TTC33: variants seen among roughly 807,000 people sequenced by gnomAD.
TTC33 encodes tetratricopeptide repeat protein 33.
Under a neutral mutation model 29.4 loss-of-function variants are expected in TTC33, and 24 were observed. That is an observed-to-expected ratio of 0.82 (90% CI 0.59 to 1.15). The LOEUF (loss-of-function observed/expected upper bound fraction) is 1.15. Among genes scored for constraint, TTC33 ranks in the 50% most tolerant of loss-of-function variants. TTC33 has a pLI of 0.00. For synonymous variants in TTC33, 107 were observed against 100.3 expected (o/e 1.07, Z -0.40); for missense variants, 286 against 310.4 (o/e 0.92, Z 0.59).
At chr5:40,733,623 T>C (rs1312969276) in intron 2 of TTC33, among the ~76,000 whole-genome samples, 1 of 152,208 alleles carries the variant, frequency 6.6e-6, no homozygotes, top group Non-Finnish European at 1.5e-5. Flanking sequence ...GTCATCACTG[T>C]GACTTGGAGG....
At chr5:40,726,409 T>G (rs1031355663) in intron 4 of TTC33, among the ~76,000 whole-genome samples, 1 of 151,918 alleles carries the variant, frequency 6.6e-6, no homozygotes, top group Middle Eastern at 3.4e-3. Flanking sequence ...AAATTCTAGC[T>G]TGCTTTCAAT....
At chr5:40,752,342 T>C (rs530725414) in intron 1 of TTC33, among the ~76,000 whole-genome samples, 1 of 152,370 alleles carries the variant, frequency 6.6e-6, no homozygotes, top group Non-Finnish European at 1.5e-5. Context: ...TTGAAGAACT[T>C]TTCCTTTGCA....
At chr5:40,747,213 C>T (rs958730336) in intron 1 of TTC33, among the ~76,000 whole-genome samples, 194 bp from the exon 2 acceptor site, 2 of 151,862 alleles carry the variant, frequency 1.3e-5, no homozygotes, top group African/African-American at 4.8e-5. Context: ...ATGCACCACC[C>T]ACACCGGCTA....
rs143892043 is a variant in TTC33 at position 40,713,837 on chromosome 5, C to A, written c.*2308G>T. On this transcript the variant is annotated 3_prime_UTR_variant, in exon 5 of 5. Transcript: ENST00000337702. ...CATAAAGATTTGTTATTAAAATTAACAAGCTTAGTCTATGTTTGTATATCA... is the reference window on the plus strand; with the variant it reads ...CATAAAGATTTGTTATTAAAATTAAAAAGCTTAGTCTATGTTTGTATATCA... 3.2e-4 allele frequency among the ~76,000 whole-genome samples: 48 copies of A among 150,464 alleles called. No homozygotes were observed. Among genetic ancestry groups the A allele is most frequent in the Non-Finnish European group, 6.0e-4 (40 of 67,168 alleles).
At chr5:40,731,778 T>C (rs980340240) in intron 2 of TTC33, among the ~76,000 whole-genome samples, 1 of 152,172 alleles carries the variant, frequency 6.6e-6, no homozygotes, top group African/African-American at 2.4e-5. Flanking sequence ...CTCCTCTTCA[T>C]CTATTCAAAG....
rs1045073935 is a variant in TTC33, at chr5:40,714,583, T to C, written c.*1562A>G. 2.6e-5 allele frequency: 4 copies of C among 152,206 alleles called. No homozygotes were observed. Among genetic ancestry groups the C allele is most frequent in the Admixed American group, 2.6e-4 (4 of 15,272 alleles). 9.4% of individuals were successfully genotyped at this position (152,206 alleles called of 1,614,324 possible). A position where few individuals can be genotyped will look rare whatever the true frequency, so the allele number is the denominator to read the frequency against. The stretch of plus-strand genomic sequence containing the variant: ...ACTTCTCTAGATACCTATTTACGTT[T>C]TGAGAATGTTCTTTATTAAACAAAA... On this transcript the variant is annotated 3_prime_UTR_variant, in exon 5 of 5. Transcript: ENST00000337702.
intron 4 of TTC33, among the ~76,000 whole-genome samples, chr5:40,720,130 T>C (rs1389658041): frequency 1.3e-5 from 2 of 152,242 alleles, no homozygotes; most frequent in Non-Finnish European, 2.9e-5. Context: ...GAGTCCAAGG[T>C]TACAAAGATT....
chr5:40,728,606 C>T, intron 3 of TTC33, 130 bp from the exon 4 acceptor site: 1 of 773,076 alleles, frequency 1.3e-6, no homozygotes, highest in Non-Finnish European at 1.9e-6. Context: ...ATTTTTACCC[C>T]TTACTCTGCC....
intron 1 of TTC33, among the ~76,000 whole-genome samples, chr5:40,750,659 A>G (rs1159196389): frequency 1.3e-5 from 2 of 152,136 alleles, no homozygotes; most frequent in Non-Finnish European, 2.9e-5. Context: ...ATTTGGTAGC[A>G]TTTTACCCAC....
intron 1 of TTC33, among the ~76,000 whole-genome samples, chr5:40,754,131 T>C (rs1016473300): frequency 5.3e-5 from 8 of 152,014 alleles, no homozygotes; most frequent in Non-Finnish European, 8.8e-5. Flanking sequence ...CTCTCAACCA[T>C]ATGTGAAAAA....
At chr5:40,749,875 G>A (rs1262137327) in intron 1 of TTC33, among the ~76,000 whole-genome samples, 1 of 151,708 alleles carries the variant, frequency 6.6e-6, no homozygotes, top group Non-Finnish European at 1.5e-5. Flanking sequence ...AGATCACGAG[G>A]TCAGGAGTTT....
At position 40,730,465 on chromosome 5, in the gene TTC33, C is replaced by T. The variant is rs530484186; in HGVS notation, c.222-122G>A. Reference sequence around the variant, plus strand: ...ATCTTAACCATTTAAGTGTACAGTTCAGAGGCATTAAGTAGCATTAAGTAC... The same window carrying T: ...ATCTTAACCATTTAAGTGTACAGTTTAGAGGCATTAAGTAGCATTAAGTAC... On this transcript the variant is annotated intron_variant, in intron 2 of 4. Coordinates refer to ENST00000337702, the MANE Select transcript of TTC33 (RefSeq NM_012382.3). 16 of 689,558 alleles carry T rather than the reference C, an allele frequency of 2.3e-5. No homozygotes were observed. The African/African-American group carries it at 2.5e-4, about 11-fold the overall frequency. 42.7% of individuals were successfully genotyped at this position (689,558 alleles called of 1,614,324 possible). A position where few individuals can be genotyped will look rare whatever the true frequency, so the allele number is the denominator to read the frequency against.
At chr5:40,728,294 A>AAAAAAAAAAAATTCAAAATAT in intron 4 of TTC33, 51 bp downstream of exon 4, 1 of 1,283,472 alleles carries the variant, frequency 7.8e-7, no homozygotes, top group Non-Finnish European at 1.0e-6. Flanking sequence ...AAAAAAAAAA[A>AAAAAAAAAAAATTCAAAATAT]AGTCAAAATA....
chr5:40,751,470 G>A (rs1742893268), intron 1 of TTC33, among the ~76,000 whole-genome samples: 1 of 152,202 alleles, frequency 6.6e-6, no homozygotes, highest in African/African-American at 2.4e-5. Flanking sequence ...AGTACATTTA[G>A]CATAATTCTC....
At chr5:40,734,951 A>G (rs1218731707) in intron 2 of TTC33, among the ~76,000 whole-genome samples, 2 of 152,212 alleles carry the variant, frequency 1.3e-5, no homozygotes, top group Admixed American at 1.3e-4. Context: ...CGGTCAAGAA[A>G]GGTCTTCCTA....
intron 1 of TTC33, among the ~76,000 whole-genome samples, chr5:40,751,490 A>C (rs1246996032): frequency 1.3e-5 from 2 of 152,246 alleles, no homozygotes; most frequent in Non-Finnish European, 2.9e-5. Flanking sequence ...CAAGGGCAAC[A>C]GGATTTTGAG....
intron 3 of TTC33, among the ~76,000 whole-genome samples, 190 bp downstream of exon 3, chr5:40,730,072 G>A (rs534568074): frequency 6.6e-6 from 1 of 152,258 alleles, no homozygotes; most frequent in African/African-American, 2.4e-5. Context: ...TAACTTCATT[G>A]TAAAGGCAAA....
intron 2 of TTC33, among the ~76,000 whole-genome samples, chr5:40,738,539 C>CAATACAATAA (rs1742615806): frequency 1.5e-5 from 1 of 67,442 alleles, no homozygotes; most frequent in African/African-American, 5.8e-5. Context: ...CAATAAAATA[C>CAATACAATAA]AATAAAATAA....
At chr5:40,718,175 G>C (rs922251873) in intron 4 of TTC33, among the ~76,000 whole-genome samples, 1 of 152,054 alleles carries the variant, frequency 6.6e-6, no homozygotes, top group Admixed American at 6.5e-5. Flanking sequence ...CCAACTCTTT[G>C]GGAGGCCGAG....
Sources: allele counts gnomAD v4.1 joint callset (sites outside exome capture counted in the v4.1 genomes callset), GRCh38; gene constraint gnomAD v4.1.1; transcripts MANE v1.5; gene names NCBI Gene and HGNC (gene_info 2026-07-23, HGNC 2026-07-21).